Variants in PTPRM observed in about 807,000 individuals in gnomAD.
PTPRM encodes receptor-type tyrosine-protein phosphatase mu.
Under a neutral mutation model 186.7 loss-of-function variants are expected in PTPRM, and 47 were observed. That is an observed-to-expected ratio of 0.25 (90% CI 0.20 to 0.32). The LOEUF is 0.32. PTPRM is among the 10% of genes least tolerant of loss of function. The probability of loss-of-function intolerance (pLI) is 1.00; values close to 1 mark genes in which losing one functional copy is unlikely to be tolerated. For missense variants in PTPRM, 1,494 were observed against 1,865.0 expected, an observed-to-expected ratio of 0.80 and a Z score of 3.66; for synonymous variants, 668 against 674.9, an observed-to-expected ratio of 0.99 and a Z score of 0.16.
chr18:7,805,873 A>C (rs1214437162), intron 2 of PTPRM, among the ~76,000 whole-genome samples: 1 of 152,226 alleles, frequency 6.6e-6, no homozygotes, highest in Non-Finnish European at 1.5e-5. Flanking sequence ...AAAGACTAGA[A>C]AAACATACCA....
intron 5 of PTPRM, among the ~76,000 whole-genome samples, chr18:7,938,579 T>C (rs1022672670): frequency 2.0e-5 from 3 of 152,240 alleles, no homozygotes; most frequent in Admixed American, 1.3e-4. Flanking sequence ...GGATATTTGA[T>C]TTTAAGACCA....
At chr18:7,855,530 A>T (rs1172252215) in intron 2 of PTPRM, among the ~76,000 whole-genome samples, 3 of 152,164 alleles carry the variant, frequency 2.0e-5, no homozygotes, top group African/African-American at 7.2e-5. Flanking sequence ...TCAGAAACTG[A>T]CCTTCCTTTG....
intron 14 of PTPRM, among the ~76,000 whole-genome samples, chr18:8,193,598 C>T (rs1484018358): frequency 6.6e-6 from 1 of 152,236 alleles, no homozygotes; most frequent in Admixed American, 6.5e-5. Context: ...CGCGCAGACT[C>T]AGGGAGCTTT....
chr18:8,127,270 A>C (rs1343508978), intron 13 of PTPRM, among the ~76,000 whole-genome samples: 1 of 152,150 alleles, frequency 6.6e-6, no homozygotes, highest in Non-Finnish European at 1.5e-5. Context: ...GGAGGAGCAC[A>C]TGCTAGGGAA....
chr18:7,655,046 A>G (rs548412984), intron 1 of PTPRM, among the ~76,000 whole-genome samples: 2 of 152,230 alleles, frequency 1.3e-5, no homozygotes, highest in South Asian at 2.1e-4. Flanking sequence ...TTTGAGCAGT[A>G]TGGCCATTTT....
At chr18:7,697,556 A>G (rs964399873) in intron 1 of PTPRM, among the ~76,000 whole-genome samples, 1 of 152,202 alleles carries the variant, frequency 6.6e-6, no homozygotes, top group Admixed American at 6.5e-5. Context: ...TTGAAGTAGT[A>G]CTGAATTACT....
intron 4 of PTPRM, among the ~76,000 whole-genome samples, chr18:7,914,892 T>G (rs1568007350): frequency 6.6e-6 from 1 of 152,148 alleles, no homozygotes; most frequent in Non-Finnish European, 1.5e-5. Flanking sequence ...TTCTGGTGGT[T>G]GGGCATGCAT....
intron 14 of PTPRM, among the ~76,000 whole-genome samples, chr18:8,171,031 G>T (rs1270379618): frequency 6.6e-6 from 1 of 152,172 alleles, no homozygotes; most frequent in Non-Finnish European, 1.5e-5. Context: ...CAGTCATTTT[G>T]CTGAGGGCTA....
At chr18:8,200,435 C>T (rs1362806852) in intron 14 of PTPRM, among the ~76,000 whole-genome samples, 2 of 152,230 alleles carry the variant, frequency 1.3e-5, no homozygotes, top group African/African-American at 2.4e-5. Context: ...GTTGTTTTTA[C>T]GCATTTGACT....
chr18:7,570,799 A>T (rs2036547300), intron 1 of PTPRM, among the ~76,000 whole-genome samples: 1 of 152,188 alleles, frequency 6.6e-6, no homozygotes, highest in Non-Finnish European at 1.5e-5. Flanking sequence ...ATTGTTAATT[A>T]ACCATTTCTG....
At chr18:8,249,002 T>C (rs961039511) in intron 17 of PTPRM, among the ~76,000 whole-genome samples, 3 of 152,218 alleles carry the variant, frequency 2.0e-5, no homozygotes, top group Non-Finnish European at 4.4e-5. Context: ...GAGCTGCTGT[T>C]GCATTTGAGA....
intron 1 of PTPRM, among the ~76,000 whole-genome samples, chr18:7,689,997 G>C (rs2039698742): frequency 6.6e-6 from 1 of 152,112 alleles, no homozygotes. Flanking sequence ...CTACTGTATG[G>C]ACACTTTGTT....
At chr18:8,307,530 G>A (rs898210829) in intron 20 of PTPRM, among the ~76,000 whole-genome samples, 8 of 152,170 alleles carry the variant, frequency 5.3e-5, no homozygotes, top group East Asian at 1.9e-4. Flanking sequence ...GAGGCCAGGC[G>A]CGGTGGCTCA....
At chr18:8,176,158 C>G (rs1320726553) in intron 14 of PTPRM, among the ~76,000 whole-genome samples, 6 of 151,780 alleles carry the variant, frequency 4.0e-5, no homozygotes, top group Admixed American at 2.0e-4. Context: ...GAAAATTCAT[C>G]CAGTATTTGG....
At chr18:7,578,832 C>A (rs1228206541) in intron 1 of PTPRM, among the ~76,000 whole-genome samples, 1 of 151,932 alleles carries the variant, frequency 6.6e-6, no homozygotes, top group African/African-American at 2.4e-5. Context: ...TGTCAGGGGC[C>A]CCTGGGGTGA....
At chr18:8,404,077 G>A (rs2095888096) in intron 32 of PTPRM, 1 of 152,180 alleles carries the variant, frequency 6.6e-6, no homozygotes, top group South Asian at 2.1e-4. Context: ...CCCAGTAGTA[G>A]AATTGCTAGG....
chr18:7,723,470 T>A (rs1472048439), intron 1 of PTPRM, among the ~76,000 whole-genome samples: 1 of 152,136 alleles, frequency 6.6e-6, no homozygotes, highest in Non-Finnish European at 1.5e-5. Context: ...CTGGTGTGAG[T>A]GCCCGAGGGT....
chr18:7,988,013 C>CAAAA (rs57611700), intron 7 of PTPRM, among the ~76,000 whole-genome samples: 2 of 112,416 alleles, frequency 1.8e-5, no homozygotes, highest in Non-Finnish European at 3.7e-5. Context: ...CCTGTGTCTA[C>CAAAA]AAAAAAAAAA....
At chr18:8,012,939 C>T (rs1289140016) in intron 7 of PTPRM, among the ~76,000 whole-genome samples, 2 of 152,024 alleles carry the variant, frequency 1.3e-5, no homozygotes, top group Non-Finnish European at 2.9e-5. Flanking sequence ...GCAGTGGCCT[C>T]GTGCTGCCTC....
Sources: gnomAD v4.1 joint callset for allele counts (sites outside exome capture counted in the v4.1 genomes callset) on GRCh38, gnomAD v4.1.1 for gene constraint, MANE v1.5 for transcripts, NCBI Gene and HGNC (gene_info 2026-07-23, HGNC 2026-07-21) for gene names.